DNER: variants seen among roughly 807,000 people sequenced by gnomAD.
The protein encoded by DNER is delta and Notch-like epidermal growth factor-related receptor.
A neutral mutation model predicts 78.2 loss-of-function variants in DNER; 33 were observed. That is an observed-to-expected ratio of 0.42 (90% CI 0.32 to 0.56). The LOEUF (loss-of-function observed/expected upper bound fraction) is 0.56. DNER is among the 20% of genes least tolerant of loss of function. The pLI is 0.11. For missense variants in DNER, 918 were observed against 975.3 expected (o/e 0.94, Z 0.78); for synonymous variants, 417 against 384.8 (o/e 1.08, Z -0.98).
intron 4 of DNER, among the ~76,000 whole-genome samples, chr2:229,567,544 G>A (rs559780223): frequency 2.0e-5 from 3 of 152,172 alleles, no homozygotes; most frequent in East Asian, 1.9e-4. Context: ...ACTGGCTAAC[G>A]GCTTCAGTGC....
At chr2:229,438,666 G>A (rs981647478) in intron 8 of DNER, among the ~76,000 whole-genome samples, 2 of 152,216 alleles carry the variant, frequency 1.3e-5, no homozygotes, top group African/African-American at 2.4e-5. Flanking sequence ...AATCAATGTG[G>A]CTGACAAATC....
intron 1 of DNER, among the ~76,000 whole-genome samples, chr2:229,614,226 AAT>A (rs1698110456): frequency 6.6e-6 from 1 of 151,870 alleles, no homozygotes; most frequent in South Asian, 2.1e-4. Context: ...AAAAAATAAA[AAT>A]AAATAAATTC....
chr2:229,385,310 T>C (rs1466754197), intron 11 of DNER, among the ~76,000 whole-genome samples: 2 of 152,108 alleles, frequency 1.3e-5, no homozygotes, highest in African/African-American at 4.8e-5. Flanking sequence ...AACTAGGTAT[T>C]GACAGAACGT....
chr2:229,388,436 C>A, intron 10 of DNER, 40 bp from the exon 11 acceptor site: 1 of 1,544,256 alleles, frequency 6.5e-7, no homozygotes, highest in Non-Finnish European at 8.7e-7. Context: ...ACCGCTGCAC[C>A]CATGGTTCCT....
At chr2:229,526,807 C>T (rs1324815382) in intron 5 of DNER, among the ~76,000 whole-genome samples, 2 of 152,124 alleles carry the variant, frequency 1.3e-5, no homozygotes, top group East Asian at 3.9e-4. Context: ...TTCTGTGTCC[C>T]CATCTGATGA....
intron 4 of DNER, among the ~76,000 whole-genome samples, chr2:229,552,527 G>T (rs2154213380): frequency 6.6e-6 from 1 of 152,270 alleles, no homozygotes; most frequent in South Asian, 2.1e-4. Context: ...CTGTTCTCCT[G>T]ATAGTGAGCG....
chr2:229,603,911 AC>A (rs1479181433), intron 1 of DNER, among the ~76,000 whole-genome samples: 1 of 152,152 alleles, frequency 6.6e-6, no homozygotes, highest in Non-Finnish European at 1.5e-5. Context: ...ACTTGCCTCT[AC>A]CCAAAAGTAA....
In DNER at chr2:229,393,672, C is replaced by T. The variant is rs565569647; in HGVS notation, c.1724-5276G>A. On this transcript the variant is annotated intron_variant, in intron 10 of 12. Transcript: ENST00000341772. ...ACCATCCTGGCTAACACGGTGAAACCCCGTCTCTACTAAAAATACAAAAAA... is the reference window on the plus strand; with the variant it reads ...ACCATCCTGGCTAACACGGTGAAACTCCGTCTCTACTAAAAATACAAAAAA... Among the ~76,000 whole-genome samples the T allele has an allele frequency of 1.8e-3, 277 of 152,096 alleles. 1 individual carries two copies. The highest frequency in any genetic ancestry group is 6.5e-3 in the African/African-American group (270 of 41,496).
chr2:229,554,857 AAAGAG>A (rs869140188), intron 4 of DNER, among the ~76,000 whole-genome samples: 1,169 of 51,230 alleles, frequency 0.023, 110 homozygotes, highest in East Asian at 0.04. Context: ...CCTGAAAGGA[AAAGAG>A]AAGAGAAGAG....
chr2:229,362,091 G>C (rs1354777024), intron 12 of DNER, among the ~76,000 whole-genome samples: 4 of 152,130 alleles, frequency 2.6e-5, no homozygotes, highest in Admixed American at 2.6e-4. Context: ...TGAAAAAATA[G>C]CTCAAATACC....
Position 229,591,603 on chromosome 2 carries a change from C to T in DNER, c.562G>A (p.Glu188Lys). 5 of 1,614,060 alleles carry T rather than the reference C, an allele frequency of 3.1e-6. No individual in the cohort carries two copies. The highest frequency in any genetic ancestry group is 4.2e-6 in the Non-Finnish European group (5 of 1,179,960). ...ACCTCCACTTGATCCCATTTCATTT[C>T]TACAACTTTCTGCCCTGTTTTCGGC... ...WQPKTGQKVV[E>K]MKWDQVEVIP... The change falls in exon 2 of 13, where the codon GAA becomes AAA. Residue 188 changes from glutamate (E) to lysine (K), a missense_variant. Physicochemically the swap from Glu to Lys is moderately conservative, Grantham distance 56. Transcript: ENST00000341772. This position sits in a 1 kb window ranked among gnomAD's most constrained non-coding sequence, Gnocchi z 4.6.
chr2:229,438,842 C>T (rs1007101354), intron 8 of DNER, among the ~76,000 whole-genome samples: 28 of 152,212 alleles, frequency 1.8e-4, no homozygotes, highest in African/African-American at 6.8e-4. Context: ...TATACTTACA[C>T]TTCATAAGCT....
intron 5 of DNER, among the ~76,000 whole-genome samples, chr2:229,517,393 A>C (rs1453957393): frequency 1.3e-5 from 2 of 152,234 alleles, no homozygotes; most frequent in Non-Finnish European, 2.9e-5. Flanking sequence ...AGGGAATAGA[A>C]GTGGAAGGGC....
At chr2:229,504,121 T>G (rs1695684500) in intron 6 of DNER, among the ~76,000 whole-genome samples, 1 of 152,228 alleles carries the variant, frequency 6.6e-6, no homozygotes, top group African/African-American at 2.4e-5. Context: ...TGTATGTGCA[T>G]GCACACATGA....
chr2:229,539,526 T>A (rs938309989), intron 5 of DNER, among the ~76,000 whole-genome samples: 3 of 152,368 alleles, frequency 2.0e-5, no homozygotes, highest in Admixed American at 2.0e-4. Flanking sequence ...CACTATTTTG[T>A]AAAACTAAAT....
Position 229,463,320 on chromosome 2 carries a change from C to G in DNER, c.1261+13820G>C, listed in dbSNP as rs140368135. Among the ~76,000 whole-genome samples the G allele has an allele frequency of 1.3e-3, 200 of 150,844 alleles. 3 individuals carry two copies. The highest frequency in any genetic ancestry group is 4.8e-3 in the African/African-American group (192 of 40,356). On this transcript the variant is annotated intron_variant, in intron 7 of 12. Coordinates refer to ENST00000341772, the MANE Select transcript of DNER (RefSeq NM_139072.4). ...AATATAGTTAGGAAAAGCAAATTGA[C>G]AAATATGGATGGGGTTTTAGAAATT...
intron 5 of DNER, among the ~76,000 whole-genome samples, chr2:229,531,518 G>A (rs980009967): frequency 1.3e-5 from 2 of 152,194 alleles, no homozygotes; most frequent in African/African-American, 2.4e-5. Context: ...AATAACAAGT[G>A]TTTGTATGTG....
chr2:229,666,264 C>T (rs1261980304), intron 1 of DNER, among the ~76,000 whole-genome samples: 1 of 152,196 alleles, frequency 6.6e-6, no homozygotes, highest in African/African-American at 2.4e-5. Flanking sequence ...TGGTCACCAT[C>T]ACACGAGAAA....
At chr2:229,400,717 G>A (rs79651353) in intron 10 of DNER, among the ~76,000 whole-genome samples, 1,675 of 152,072 alleles carry the variant, frequency 0.011, 52 homozygotes, top group East Asian at 0.099. Context: ...AAATGGAGGA[G>A]AATAAACAAA....
Sources: allele counts gnomAD v4.1 joint callset (sites outside exome capture counted in the v4.1 genomes callset), GRCh38; gene constraint gnomAD v4.1.1; non-coding constraint Gnocchi (gnomAD v3.1); transcripts MANE v1.5; gene names NCBI Gene and HGNC (gene_info 2026-07-23, HGNC 2026-07-21).